The following SEMA6D variants were observed in gnomAD, a reference collection of about 807,000 sequenced individuals.
SEMA6D encodes semaphorin-6D.
A neutral mutation model predicts 106.6 loss-of-function variants in SEMA6D; 35 were observed. The ratio of observed to expected loss-of-function variants is 0.33; its 90% confidence interval spans 0.25 to 0.44. The LOEUF (loss-of-function observed/expected upper bound fraction) is 0.44, where lower values mean the gene tolerates loss of function less well. Among genes scored for constraint, SEMA6D ranks in the 20% least tolerant of loss-of-function variants. The pLI is 1.00. For synonymous variants in SEMA6D, 499 were observed against 487.7 expected (o/e 1.02, Z -0.31); for missense variants, 1,185 against 1,345.9 (o/e 0.88, Z 1.87).
At chr15:47,259,663 C>T (rs185513801) in intron 1 of SEMA6D, among the ~76,000 whole-genome samples, 2 of 152,150 alleles carry the variant, frequency 1.3e-5, no homozygotes, top group Non-Finnish European at 2.9e-5. Context: ...GTATGCATTT[C>T]TCTGGATTTA....
At chr15:47,314,599 A>AAAAAAAAAAAAAAG (rs2036574933) in intron 1 of SEMA6D, among the ~76,000 whole-genome samples, 1 of 120,602 alleles carries the variant, frequency 8.3e-6, no homozygotes, top group Non-Finnish European at 1.6e-5. Context: ...CTCCATCTCA[A>AAAAAAAAAAAAAAG]AAAAAAAAAA....
At chr15:47,541,921 G>C (rs1444837241) in intron 3 of SEMA6D, among the ~76,000 whole-genome samples, 1 of 152,066 alleles carries the variant, frequency 6.6e-6, no homozygotes, top group East Asian at 1.9e-4. Flanking sequence ...GAGTCGGAAT[G>C]GTTATTTCCC....
At chr15:47,718,079 TTTC>T (rs1435620131) in intron 1 of SEMA6D, among the ~76,000 whole-genome samples, 1 of 152,114 alleles carries the variant, frequency 6.6e-6, no homozygotes, top group Non-Finnish European at 1.5e-5. Flanking sequence ...CAAGTAAAAG[TTTC>T]TTGCCAGGCA....
At position 47,759,846 on chromosome 15, in the gene SEMA6D, C is replaced by G; in HGVS notation, c.48C>G (p.Ser16=). Residue 16 remains serine, a synonymous_variant, in exon 2 of 19, where the codon TCC becomes TCG. Transcript: ENST00000536845. The part of the protein sequence containing the change: ...LCAYILLLMV[S]QLRAVSFPED... The stretch of plus-strand genomic sequence containing the variant: ...CCTACATACTGCTGCTGATGGTTTC[C>G]CAGTTGAGGGCAGTCAGCTTTCCTG... 1.9e-6 allele frequency: 3 copies of G among 1,613,806 alleles called. No homozygotes were observed. The highest frequency in any genetic ancestry group is 2.5e-6 in the Non-Finnish European group (3 of 1,179,762).
In SEMA6D at chr15:47,405,741, G is replaced by A. The variant is rs117194360; in HGVS notation, c.-238-6652G>A. Among the ~76,000 whole-genome samples the A allele has an allele frequency of 6.4e-3, 973 of 152,168 alleles. 20 individuals carry two copies. Among genetic ancestry groups the A allele is most frequent in the East Asian group, 0.05 (258 of 5,158 alleles). On this transcript the variant is annotated intron_variant, in intron 1 of 19. Coordinates refer to the SEMA6D transcript ENST00000558014. ...ACTCTGCTGCACTGCTAATATTTCA[G>A]TGTCATTTTCAGCTCTATTACATGC...
At chr15:47,660,285 T>A (rs144718985) in intron 4 of SEMA6D, among the ~76,000 whole-genome samples, 10 of 152,112 alleles carry the variant, frequency 6.6e-5, no homozygotes, top group Non-Finnish European at 1.2e-4. Context: ...TGAAAAGTTA[T>A]AGTAAATGCC....
intron 1 of SEMA6D, among the ~76,000 whole-genome samples, chr15:47,316,203 CT>C (rs1201183396): frequency 6.7e-5 from 10 of 150,000 alleles, no homozygotes; most frequent in African/African-American, 2.5e-4. Flanking sequence ...AGCAATTCTC[CT>C]GCCTCAGCCT....
chr15:47,462,870 C>A (rs1273755141), intron 2 of SEMA6D, among the ~76,000 whole-genome samples: 1 of 152,054 alleles, frequency 6.6e-6, no homozygotes, highest in Non-Finnish European at 1.5e-5. Context: ...TCTGCAAGAA[C>A]CCAGCCTTTA....
intron 3 of SEMA6D, among the ~76,000 whole-genome samples, chr15:47,476,886 C>T (rs1417177820): frequency 6.6e-6 from 1 of 152,176 alleles, no homozygotes; most frequent in Non-Finnish European, 1.5e-5. Context: ...ACAAATCTAT[C>T]TTTCATCCAA....
chr15:47,334,024 A>G (rs2037451519), intron 1 of SEMA6D, among the ~76,000 whole-genome samples: 1 of 152,220 alleles, frequency 6.6e-6, no homozygotes, highest in African/African-American at 2.4e-5. Context: ...AGATCTGAAC[A>G]GTTAGGTCTT....
chr15:47,226,286 A>T (rs1302084540), intron 1 of SEMA6D, among the ~76,000 whole-genome samples: 1 of 152,094 alleles, frequency 6.6e-6, no homozygotes, highest in Non-Finnish European at 1.5e-5. Flanking sequence ...TCTTGATCTC[A>T]GATTTCTAGC....
At chr15:47,325,442 G>T (rs1259870420) in intron 1 of SEMA6D, among the ~76,000 whole-genome samples, 3 of 151,720 alleles carry the variant, frequency 2.0e-5, no homozygotes, top group Non-Finnish European at 2.9e-5. Context: ...AAAGTGGTGG[G>T]ATTACAGGCG....
At chr15:47,462,263 A>G (rs1047710654) in intron 2 of SEMA6D, among the ~76,000 whole-genome samples, 1 of 152,064 alleles carries the variant, frequency 6.6e-6, no homozygotes, top group African/African-American at 2.4e-5. Context: ...TTAAGTCATT[A>G]TGACTCGTTT....
At chr15:47,325,090 G>A (rs946083827) in intron 1 of SEMA6D, among the ~76,000 whole-genome samples, 9 of 151,992 alleles carry the variant, frequency 5.9e-5, no homozygotes, top group African/African-American at 1.9e-4. Flanking sequence ...TATAGAGTAG[G>A]CAATATTTAA....
intron 4 of SEMA6D, among the ~76,000 whole-genome samples, chr15:47,636,829 T>G (rs2077397302): frequency 6.6e-6 from 1 of 152,174 alleles, no homozygotes; most frequent in East Asian, 1.9e-4. Flanking sequence ...CATGTAAATA[T>G]TAATCTCATA....
At chr15:47,232,000 C>T (rs920476227) in intron 1 of SEMA6D, among the ~76,000 whole-genome samples, 3 of 151,994 alleles carry the variant, frequency 2.0e-5, no homozygotes, top group Admixed American at 6.6e-5. Context: ...TGTGAGTAAT[C>T]AATCCCAATT....
chr15:47,717,927 C>T (rs566325661), intron 1 of SEMA6D, among the ~76,000 whole-genome samples: 2 of 150,924 alleles, frequency 1.3e-5, no homozygotes, highest in East Asian at 3.9e-4. Context: ...CTCTGCCTGC[C>T]GTGCAAGGGA....
At chr15:47,345,191 A>G (rs961477220) in intron 1 of SEMA6D, among the ~76,000 whole-genome samples, 1 of 152,214 alleles carries the variant, frequency 6.6e-6, no homozygotes, top group Non-Finnish European at 1.5e-5. Flanking sequence ...AAATTTCAGT[A>G]GACTTTTTTG....
chr15:47,447,718 G>A (rs2042070145), intron 2 of SEMA6D, among the ~76,000 whole-genome samples: 1 of 152,152 alleles, frequency 6.6e-6, no homozygotes, highest in African/African-American at 2.4e-5. Context: ...AACCCAAGGA[G>A]GGGGCAGTGG....
Sources: gnomAD v4.1 joint callset for allele counts (sites outside exome capture counted in the v4.1 genomes callset) on GRCh38, gnomAD v4.1.1 for gene constraint, MANE v1.5 for transcripts, NCBI Gene and HGNC (gene_info 2026-07-23, HGNC 2026-07-21) for gene names.